The following COL22A1 variants were observed in gnomAD, a reference collection of about 807,000 sequenced individuals.
The protein encoded by COL22A1 is collagen type XXII alpha 1 chain.
COL22A1 carries 221 observed loss-of-function variants against 248.9 expected under a neutral mutation model. The ratio of observed to expected loss-of-function variants is 0.89; its 90% CI spans 0.80 to 0.99. The LOEUF (loss-of-function observed/expected upper bound fraction) is 0.99. COL22A1 is among the 50% of genes least tolerant of loss of function. The probability of loss-of-function intolerance (pLI) is 0.00; values close to 1 mark genes in which losing one functional copy is unlikely to be tolerated. For missense variants in COL22A1, 2,240 were observed against 2,179.0 expected, an observed-to-expected ratio of 1.03 and a Z score of -0.56; for synonymous variants, 891 against 793.4, an observed-to-expected ratio of 1.12 and a Z score of -2.07.
intron 7 of COL22A1, among the ~76,000 whole-genome samples, chr8:138,817,487 C>T (rs1410354348): frequency 6.6e-6 from 1 of 152,124 alleles, no homozygotes; most frequent in Non-Finnish European, 1.5e-5. Context: ...AGGCAGTTGG[C>T]AGCACAGCTG....
At position 138,595,757 on chromosome 8, in the gene COL22A1, G is replaced by T. The variant is rs538476600; in HGVS notation, c.4432+1147C>A. Among the ~76,000 whole-genome samples, 3 of 152,106 alleles carry T rather than the reference G, an allele frequency of 2.0e-5. No individual in the cohort carries two copies. In the East Asian group the frequency reaches 5.8e-4, roughly 29 times the overall value. On this transcript the variant is annotated intron_variant, in intron 62 of 64. Transcript: ENST00000303045. The stretch of plus-strand genomic sequence containing the variant: ...GTCCTTGCTCCCAGCACAGACTCTC[G>T]CAATGGGAGGTGCAAGATAACTGAG...
intron 16 of COL22A1, among the ~76,000 whole-genome samples, chr8:138,772,580 G>C (rs1423736263): frequency 1.3e-5 from 2 of 152,236 alleles, no homozygotes. Flanking sequence ...TAGAATACAG[G>C]AACGGATGCG....
chr8:138,616,801 C>T (rs187471469), intron 54 of COL22A1, 113 bp downstream of exon 54: 130 of 1,210,142 alleles, frequency 1.1e-4, no homozygotes, highest in Admixed American at 6.3e-4. Context: ...GTGTGCTCCA[C>T]GTCCTCTCTC....
At chr8:138,857,192 A>C (rs1822099577) in intron 3 of COL22A1, among the ~76,000 whole-genome samples, 1 of 148,228 alleles carries the variant, frequency 6.7e-6, no homozygotes, top group Non-Finnish European at 1.5e-5. Context: ...CCACCTCCCC[A>C]CTCCTGTCCT....
rs150445998 is a variant in COL22A1 at position 138,644,742 on chromosome 8, C to T, written c.3501+1887G>A. On this transcript the variant is annotated intron_variant, in intron 47 of 64. Coordinates refer to ENST00000303045, the MANE Select transcript of COL22A1 (RefSeq NM_152888.3). ...TCAATTTCCCATGCACATGTTTCTC[C>T]TTCTGTAAAGATTCATGACTTCTCC... 6.6e-5 allele frequency among the ~76,000 whole-genome samples: 10 copies of T among 152,314 alleles called. No homozygotes were observed. In the East Asian group the frequency reaches 1.9e-3, roughly 29 times the overall value.
At chr8:138,881,179 G>A (rs903878496) in intron 2 of COL22A1, among the ~76,000 whole-genome samples, 1 of 151,972 alleles carries the variant, frequency 6.6e-6, no homozygotes, top group African/African-American at 2.4e-5. Flanking sequence ...ATAATCCTGT[G>A]CATTGGCTGT....
intron 47 of COL22A1, among the ~76,000 whole-genome samples, chr8:138,640,668 A>G (rs565996915): frequency 2.7e-4 from 41 of 152,252 alleles, no homozygotes; most frequent in African/African-American, 8.7e-4. Flanking sequence ...TGTTAACTCA[A>G]ATGAAGCAAG....
intron 1 of COL22A1, among the ~76,000 whole-genome samples, chr8:138,910,330 C>G (rs1223932005): frequency 6.6e-6 from 1 of 152,202 alleles, no homozygotes; most frequent in Non-Finnish European, 1.5e-5. Context: ...TATATGCACA[C>G]ACACATACAC....
intron 3 of COL22A1, among the ~76,000 whole-genome samples, chr8:138,861,697 C>T (rs2131958393): frequency 6.6e-6 from 1 of 152,206 alleles, no homozygotes; most frequent in East Asian, 1.9e-4. Context: ...CCAGCTTCTC[C>T]CCTTGCCTCT....
chr8:138,686,838 A>T (rs893318793), intron 37 of COL22A1, among the ~76,000 whole-genome samples: 1 of 152,236 alleles, frequency 6.6e-6, no homozygotes, highest in African/African-American at 2.4e-5. Flanking sequence ...ATTAAGGAAT[A>T]CCAGATGAAT....
intron 23 of COL22A1, among the ~76,000 whole-genome samples, chr8:138,735,579 T>C (rs1831046996): frequency 6.6e-6 from 1 of 152,170 alleles, no homozygotes; most frequent in Non-Finnish European, 1.5e-5. Context: ...ATGGTGAATT[T>C]TAAAATACAC....
At chr8:138,787,894 C>A (rs997898380) in intron 12 of COL22A1, among the ~76,000 whole-genome samples, 3 of 152,174 alleles carry the variant, frequency 2.0e-5, no homozygotes, top group Non-Finnish European at 4.4e-5. Flanking sequence ...ATCCAGAGCC[C>A]CAGGGATCAT....
chr8:138,611,347 C>T (rs183417063), intron 56 of COL22A1, among the ~76,000 whole-genome samples: 3 of 152,300 alleles, frequency 2.0e-5, no homozygotes, highest in Admixed American at 2.0e-4. Context: ...GGGAGCAGTG[C>T]AGCAACTCAC....
chr8:138,740,311 G>C (rs769764606), intron 22 of COL22A1, among the ~76,000 whole-genome samples: 1 of 152,220 alleles, frequency 6.6e-6, no homozygotes, highest in African/African-American at 2.4e-5. Flanking sequence ...CTAATGGTTG[G>C]TAAGAAAGGA....
At chr8:138,684,569 G>C (rs1424669007) in intron 38 of COL22A1, 100 bp from the exon 39 acceptor site, 10 of 830,424 alleles carry the variant, frequency 1.2e-5, no homozygotes, top group Admixed American at 1.8e-5. Context: ...TGGGGACCCA[G>C]AGATGGGTGA....
chr8:138,639,592 C>A (rs1264993745), intron 47 of COL22A1, among the ~76,000 whole-genome samples: 1 of 152,208 alleles, frequency 6.6e-6, no homozygotes, highest in Non-Finnish European at 1.5e-5. Flanking sequence ...AGAAACTTCG[C>A]CCCACTCAGT....
intron 11 of COL22A1, among the ~76,000 whole-genome samples, chr8:138,802,557 T>C (rs908230925): frequency 3.9e-5 from 6 of 152,086 alleles, no homozygotes; most frequent in Non-Finnish European, 7.4e-5. Flanking sequence ...GGAAAGAGCC[T>C]GTGTAATGGC....
At chr8:138,630,633 C>A (rs748895317) in intron 50 of COL22A1, 62 bp downstream of exon 50, 1 of 1,470,086 alleles carries the variant, frequency 6.8e-7, no homozygotes, top group Non-Finnish European at 9.5e-7. Flanking sequence ...TTGGCAAACA[C>A]CTGGGGTTCC....
chr8:138,617,016 G>C, intron 53 of COL22A1, 58 bp from the exon 54 acceptor site: 1 of 1,593,396 alleles, frequency 6.3e-7, no homozygotes, highest in Non-Finnish European at 8.6e-7. Context: ...GGCAGAAGTG[G>C]GCAGGCATAC....
Sources: gnomAD v4.1 joint callset for allele counts (sites outside exome capture counted in the v4.1 genomes callset) on GRCh38, gnomAD v4.1.1 for gene constraint, MANE v1.5 for transcripts, NCBI Gene and HGNC (gene_info 2026-07-23, HGNC 2026-07-21) for gene names.